MKX: variants seen among roughly 807,000 people sequenced by gnomAD.
MKX encodes homeobox protein Mohawk.
Under a neutral mutation model 36.0 loss-of-function variants are expected in MKX, and 13 were observed. The observed-to-expected ratio is 0.36, with a 90% CI of 0.24 to 0.57. The LOEUF is 0.57. Ranked by LOEUF, MKX falls within the 20% of genes least tolerant of loss-of-function variation. MKX has a pLI of 0.79. For missense variants in MKX, 458 were observed against 456.4 expected (o/e 1.00, Z -0.03); for synonymous variants, 176 against 178.3 (o/e 0.99, Z 0.10).
chr10:27,725,087 T>A (rs1006429412), intron 5 of MKX, among the ~76,000 whole-genome samples: 4 of 152,312 alleles, frequency 2.6e-5, no homozygotes, highest in African/African-American at 7.2e-5. Context: ...AGACTTACTG[T>A]ACAAAGGATC....
At chr10:27,706,427 C>T (rs1376404650) in intron 5 of MKX, among the ~76,000 whole-genome samples, 1 of 152,044 alleles carries the variant, frequency 6.6e-6, no homozygotes, top group African/African-American at 2.4e-5. Context: ...CATATGTCAA[C>T]TCTATTTTTA....
rs564441402 is a variant in MKX, at chr10:27,734,385, T to A, written c.838+71A>T. ...ATGTCTTTATACCTGTTAAAATAAATCCCTCTGATGCAGTTTTAATTGTGC... is the reference window on the plus strand; with the variant it reads ...ATGTCTTTATACCTGTTAAAATAAAACCCTCTGATGCAGTTTTAATTGTGC... On this transcript the variant is annotated intron_variant, in intron 5 of 6. Transcript: ENST00000419761. 1.9e-4 allele frequency: 249 copies of A among 1,317,700 alleles called. 1 individual carries two copies. In the East Asian group the frequency reaches 2.6e-3, roughly 14 times the overall value. The allele number at this position is 1,317,700 out of a possible 1,614,324, so 81.6% of individuals were successfully genotyped here. A position where few individuals can be genotyped will look rare whatever the true frequency, so the allele number is the denominator to read the frequency against.
At chr10:27,685,278 A>G (rs558375502) in intron 5 of MKX, among the ~76,000 whole-genome samples, 1 of 152,332 alleles carries the variant, frequency 6.6e-6, no homozygotes, top group Non-Finnish European at 1.5e-5. Context: ...AATGGATTAA[A>G]CTTTTCTCTG....
At position 27,742,471 on chromosome 10, in the gene MKX, A is replaced by G. The variant is rs1025068032; in HGVS notation, c.188+757T>C. ...TACTAAGCAGCGACGCCGCAGAACA[A>G]GCAGCTGATGCAATCGTTCAGGTGG... On this transcript the variant is annotated intron_variant, in intron 2 of 6. Transcript: ENST00000419761. The surrounding 1 kb of genome is among the most constrained non-coding windows in gnomAD (Gnocchi z 4.2). 6.6e-6 allele frequency among the ~76,000 whole-genome samples: 1 copy of G among 152,098 alleles called. No individual in the cohort carries two copies. Among genetic ancestry groups the G allele is most frequent in the Non-Finnish European group, 1.5e-5 (1 of 67,988 alleles).
chr10:27,741,238 C>A lies in MKX; in HGVS notation c.348+107G>T. ...GAAACTCCCACAGCTCGGCTCCATC[C>A]CTCTCCAGGTAGAAGCGCCACGTGG... On this transcript the variant is annotated intron_variant, in intron 3 of 6. Transcript: ENST00000419761. The surrounding 1 kb of genome is among the most constrained non-coding windows in gnomAD (Gnocchi z 5.1). 8 of 1,412,958 alleles carry A rather than the reference C, an allele frequency of 5.7e-6. No homozygotes were observed. The highest frequency in any genetic ancestry group is 7.9e-6 in the Non-Finnish European group (8 of 1,018,020). The allele number at this position is 1,412,958 out of a possible 1,614,324, so 87.5% of individuals were successfully genotyped here. A position where few individuals can be genotyped will look rare whatever the true frequency, so the allele number is the denominator to read the frequency against.
intron 5 of MKX, among the ~76,000 whole-genome samples, chr10:27,677,184 C>T (rs1221368353): frequency 6.6e-6 from 1 of 152,160 alleles, no homozygotes; most frequent in Non-Finnish European, 1.5e-5. Flanking sequence ...TACTGGGGAG[C>T]TACTGCACTT....
chr10:27,675,904 C>T (rs933194618), intron 5 of MKX, among the ~76,000 whole-genome samples: 2 of 152,174 alleles, frequency 1.3e-5, no homozygotes, highest in African/African-American at 4.8e-5. Context: ...GCCCTACTAC[C>T]CACTTGCAGT....
chr10:27,703,909 A>G (rs1836706836), intron 5 of MKX, among the ~76,000 whole-genome samples: 1 of 152,162 alleles, frequency 6.6e-6, no homozygotes, highest in African/African-American at 2.4e-5. Flanking sequence ...CCAAAAAAAG[A>G]CTACCAAAAT....
chr10:27,688,145 A>G lies in MKX; in HGVS notation c.839-12591T>C, dbSNP rs556374556. 5.9e-5 allele frequency among the ~76,000 whole-genome samples: 9 copies of G among 152,212 alleles called. No individual in the cohort carries two copies. The South Asian group carries it at 1.9e-3, about 32-fold the overall frequency. ...TCATATTTTATAAAACACTTAGAAG[A>G]GAGCTTGAGCACATATACCAAGCAC... On this transcript the variant is annotated intron_variant, in intron 5 of 6. Transcript: ENST00000419761.
chr10:27,680,090 C>CT (rs1442934946), intron 5 of MKX, among the ~76,000 whole-genome samples: 1 of 152,022 alleles, frequency 6.6e-6, no homozygotes, highest in Non-Finnish European at 1.5e-5. Context: ...AGGGAAAATG[C>CT]AAGTTGGAGC....
chr10:27,735,609 CA>C (rs1239926518), intron 3 of MKX, among the ~76,000 whole-genome samples: 2 of 151,876 alleles, frequency 1.3e-5, no homozygotes, highest in Non-Finnish European at 2.9e-5. Flanking sequence ...GCCTTGACAT[CA>C]AAAAATTTAA....
intron 5 of MKX, among the ~76,000 whole-genome samples, chr10:27,690,907 C>A (rs960856257): frequency 2.0e-5 from 3 of 152,092 alleles, no homozygotes; most frequent in Non-Finnish European, 4.4e-5. Context: ...GGGGTGGTTT[C>A]CCCCATGCTG....
At chr10:27,711,625 G>A (rs767113520) in intron 5 of MKX, among the ~76,000 whole-genome samples, 5 of 148,404 alleles carry the variant, frequency 3.4e-5, no homozygotes, top group African/African-American at 5.0e-5. Context: ...AGGCTGGAGC[G>A]CAGTCGCACA....
chr10:27,721,490 C>T (rs927810401), intron 5 of MKX, among the ~76,000 whole-genome samples: 2 of 152,250 alleles, frequency 1.3e-5, no homozygotes, highest in Admixed American at 6.5e-5. Context: ...ACGCATGGAG[C>T]TGGAAGCCAT....
chr10:27,725,710 A>G (rs969071606), intron 5 of MKX, among the ~76,000 whole-genome samples: 11 of 152,020 alleles, frequency 7.2e-5, no homozygotes, highest in African/African-American at 2.4e-4. Context: ...AACCACTTCC[A>G]TATTCATTAA....
intron 5 of MKX, among the ~76,000 whole-genome samples, chr10:27,701,284 A>ACATCACGGCAC (rs1836646769): frequency 6.9e-6 from 1 of 145,178 alleles, no homozygotes; most frequent in African/African-American, 2.5e-5. Flanking sequence ...AAAGAACTGA[A>ACATCACGGCAC]GCGGTGCACA....
chr10:27,702,731 C>T (rs910539878), intron 5 of MKX, among the ~76,000 whole-genome samples: 2 of 152,024 alleles, frequency 1.3e-5, no homozygotes, highest in Non-Finnish European at 2.9e-5. Flanking sequence ...TTGCAGAAGA[C>T]TTACAGCTGA....
rs17750218 is a variant in MKX at position 27,675,840 on chromosome 10, C to G, written c.839-286G>C. ...AAATTGGGCCTTTTGGATCAGGAGA[C>G]AAACAGCATAAGGAAAAGAGTGCTG... On this transcript the variant is annotated intron_variant, in intron 5 of 6. Transcript: ENST00000419761. Among the ~76,000 whole-genome samples the G allele has an allele frequency of 6.7e-3, 1,016 of 152,300 alleles. 6 individuals carry two copies. The highest frequency in any genetic ancestry group is 0.012 in the Admixed American group (182 of 15,296).
At chr10:27,684,390 A>T (rs548275283) in intron 5 of MKX, among the ~76,000 whole-genome samples, 5 of 152,262 alleles carry the variant, frequency 3.3e-5, no homozygotes, top group African/African-American at 1.2e-4. Context: ...GTTTTTCTTT[A>T]ATAAGAAAGT....
Sources: allele counts gnomAD v4.1 joint callset (sites outside exome capture counted in the v4.1 genomes callset), GRCh38; gene constraint gnomAD v4.1.1; non-coding constraint Gnocchi (gnomAD v3.1); transcripts MANE v1.5; gene names NCBI Gene and HGNC (gene_info 2026-07-23, HGNC 2026-07-21).